Variants in LINGO1 observed in about 807,000 individuals in gnomAD.
LINGO1 encodes the protein leucine rich repeat and Ig domain containing 1.
LINGO1 carries 11 observed loss-of-function variants against 37.3 expected under a neutral mutation model. That is an observed-to-expected ratio of 0.29 (90% CI 0.19 to 0.49). The LOEUF (loss-of-function observed/expected upper bound fraction) is 0.49. LINGO1 is among the 20% of genes least tolerant of loss of function. LINGO1 has a pLI of 0.99. For synonymous variants in LINGO1, 387 were observed against 403.0 expected (o/e 0.96, Z 0.48); for missense variants, 585 against 878.2 (o/e 0.67, Z 4.22).
intron 1 of LINGO1, among the ~76,000 whole-genome samples, chr15:77,807,491 G>A (rs1265674546): frequency 6.6e-6 from 1 of 152,148 alleles, no homozygotes; most frequent in Non-Finnish European, 1.5e-5. Context: ...GAACCTCTAG[G>A]GAATGAATGG....
intron 1 of LINGO1, among the ~76,000 whole-genome samples, chr15:77,760,637 C>T (rs2076465930): frequency 6.6e-6 from 1 of 152,214 alleles, no homozygotes; most frequent in African/African-American, 2.4e-5. Flanking sequence ...CTTTGCCTGG[C>T]CCCTGGGGCA....
intron 3 of LINGO1, among the ~76,000 whole-genome samples, chr15:77,672,000 G>GCCTCCTCCT (rs10559337): frequency 0.023 from 3,328 of 145,620 alleles, 193 homozygotes; most frequent in African/African-American, 0.085. Flanking sequence ...ATGAGCCTCT[G>GCCTCCTCCT]CCTCCTCCTC....
chr15:77,718,014 C>T lies in LINGO1; in HGVS notation c.-195+16978G>A, dbSNP rs74538781. On this transcript the variant is annotated intron_variant, in intron 2 of 3. Coordinates refer to the LINGO1 transcript ENST00000561686. ...GGCTGGAGGCCCAGGGAGCTGGGAG[C>T]AGGGCCGAGGCCTGCCCAGAAGCTG... Among the ~76,000 whole-genome samples the T allele has an allele frequency of 2.7e-5, 4 of 150,858 alleles. 1 individual carries two copies. Among genetic ancestry groups the T allele is most frequent in the Non-Finnish European group, 5.9e-5 (4 of 67,578 alleles).
rs760763300 is a variant in LINGO1, at chr15:77,614,384, A to G, written c.1523T>C (p.Met508Thr). 4 of 1,613,582 alleles carry G rather than the reference A, an allele frequency of 2.5e-6. No individual in the cohort carries two copies. Among genetic ancestry groups the G allele is most frequent in the Non-Finnish European group, 3.4e-6 (4 of 1,179,834 alleles). The change falls in exon 2 of 2, where the codon ATG becomes ACG. Residue 508 changes from methionine to threonine, a missense_variant. Coordinates refer to ENST00000355300, the MANE Select transcript of LINGO1 (RefSeq NM_032808.7). ...IAANAGGNDS[M>T]PAHLHVRSYS... ...GCTGCGCACATGCAGGTGGGCGGGCATGGAGTCGTTGCCGCCCGCGTTGGC... is the reference window on the plus strand; with the variant it reads ...GCTGCGCACATGCAGGTGGGCGGGCGTGGAGTCGTTGCCGCCCGCGTTGGC...
chr15:77,623,584 C>T (rs975578705), intron 1 of LINGO1, among the ~76,000 whole-genome samples: 1 of 152,202 alleles, frequency 6.6e-6, no homozygotes, highest in African/African-American at 2.4e-5. Flanking sequence ...CCAGGCTGAG[C>T]TCCTGCAGGA....
chr15:77,671,113 C>A (rs1047317185), intron 3 of LINGO1, among the ~76,000 whole-genome samples: 1 of 152,164 alleles, frequency 6.6e-6, no homozygotes, highest in Non-Finnish European at 1.5e-5. Context: ...CTTGCAGCAC[C>A]TCTGGGAGGG....
At chr15:77,794,588 ATATTTT>A (rs534667329) in intron 2 of LINGO1, among the ~76,000 whole-genome samples, 8,338 of 39,396 alleles carry the variant, frequency 0.21, 576 homozygotes, top group Admixed American at 0.32. Context: ...ATATATATAT[ATATTTT>A]TTTTTTTTTT....
chr15:77,682,277 A>AGTGTGTGTGTGTGTGTGT (rs10581838), intron 2 of LINGO1, among the ~76,000 whole-genome samples: 2,759 of 139,828 alleles, frequency 0.02, 43 homozygotes, highest in Middle Eastern at 0.036. Flanking sequence ...TAGAGATTAA[A>AGTGTGTGTGTGTGTGTGT]GTGTGTGTGT....
intron 2 of LINGO1, among the ~76,000 whole-genome samples, chr15:77,717,090 C>G (rs1249796763): frequency 6.7e-6 from 1 of 150,324 alleles, no homozygotes; most frequent in East Asian, 2.1e-4. Context: ...TCAAGCTCAG[C>G]ACTCTGCTCC....
At chr15:77,667,119 C>G (rs1404949110) in intron 3 of LINGO1, 1 of 152,322 alleles carries the variant, frequency 6.6e-6, no homozygotes, top group Non-Finnish European at 1.5e-5. Context: ...GAGTGCTAAT[C>G]CTAGCCTTTC....
Position 77,806,270 on chromosome 15 carries a change from C to T in LINGO1, c.-457-10217G>A, listed in dbSNP as rs147099705. Among the ~76,000 whole-genome samples, 19 of 152,308 alleles carry T rather than the reference C, an allele frequency of 1.2e-4. No individual in the cohort carries two copies. In the East Asian group the frequency reaches 2.3e-3, roughly 19 times the overall value. ...AGACGCGAGGGCAGAGGCGGCCCTCCGAGAATGCCCAGTGATGATTCCTCT... is the reference window on the plus strand; with the variant it reads ...AGACGCGAGGGCAGAGGCGGCCCTCTGAGAATGCCCAGTGATGATTCCTCT... On this transcript the variant is annotated intron_variant, in intron 1 of 5. Coordinates refer to the LINGO1 transcript ENST00000562933.
At position 77,704,410 on chromosome 15, in the gene LINGO1, C is replaced by G. The variant is rs1185760695; in HGVS notation, c.-194-13509G>C. Among the ~76,000 whole-genome samples the G allele has an allele frequency of 3.6e-4, 54 of 150,338 alleles. 2 individuals carry two copies. The highest frequency in any genetic ancestry group is 1.3e-3 in the African/African-American group (51 of 39,996). On this transcript the variant is annotated intron_variant, in intron 2 of 3. Transcript: ENST00000561686. ...CCGACCCTGATCACAGATTGAACCC[C>G]AACCCTGGCCACACACTGAATCCCG...
intron 3 of LINGO1, among the ~76,000 whole-genome samples, chr15:77,676,138 C>A (rs1010905405): frequency 6.6e-6 from 1 of 152,236 alleles, no homozygotes; most frequent in Non-Finnish European, 1.5e-5. Context: ...GTCCTAGGGA[C>A]AGCCTGCGGC....
intron 1 of LINGO1, among the ~76,000 whole-genome samples, chr15:77,753,007 C>T (rs1382521042): frequency 1.3e-5 from 2 of 152,238 alleles, no homozygotes; most frequent in Admixed American, 6.5e-5. Context: ...TGCCTCACAT[C>T]TCTCAAGTAC....
At chr15:77,794,404 ATATGTGTATATACATACGTATATG>A (rs2076848383) in intron 2 of LINGO1, among the ~76,000 whole-genome samples, 4 of 59,976 alleles carry the variant, frequency 6.7e-5, no homozygotes, top group African/African-American at 1.3e-4. Context: ...ATATACGTAT[ATATGTGTATATACATACGTATATG>A]TATATACATA....
chr15:77,724,928 G>C (rs1287960370), intron 2 of LINGO1, among the ~76,000 whole-genome samples: 1 of 152,218 alleles, frequency 6.6e-6, no homozygotes, highest in African/African-American at 2.4e-5. Context: ...TTCCCAGACG[G>C]TGTGTGGACC....
At chr15:77,718,898 G>A (rs1440928950) in intron 2 of LINGO1, among the ~76,000 whole-genome samples, 1 of 150,772 alleles carries the variant, frequency 6.6e-6, no homozygotes, top group African/African-American at 2.4e-5. Flanking sequence ...AGGGCGAGAA[G>A]AAGCTCCTAA....
chr15:77,764,169 C>T (rs776355409), intron 1 of LINGO1, among the ~76,000 whole-genome samples: 1 of 152,240 alleles, frequency 6.6e-6, no homozygotes, highest in Non-Finnish European at 1.5e-5. Context: ...ACTCCGTCTG[C>T]GTTCATGCCC....
chr15:77,718,718 G>C (rs1818219836), intron 2 of LINGO1, among the ~76,000 whole-genome samples: 1 of 150,632 alleles, frequency 6.6e-6, no homozygotes, highest in Non-Finnish European at 1.5e-5. Flanking sequence ...GCGTGGCCTT[G>C]GTCACCATCA....
Sources: allele counts gnomAD v4.1 joint callset (sites outside exome capture counted in the v4.1 genomes callset), GRCh38; gene constraint gnomAD v4.1.1; transcripts MANE v1.5; gene names NCBI Gene and HGNC (gene_info 2026-07-23, HGNC 2026-07-21).